The following EMC8 variants were observed in gnomAD, a reference collection of about 807,000 sequenced individuals.
EMC8 encodes ER membrane protein complex subunit 8.
In EMC8, 11 loss-of-function variants were observed where a neutral mutation model predicts 24.3. The ratio of observed to expected loss-of-function variants is 0.45; its 90% CI spans 0.28 to 0.75. The LOEUF is 0.75. EMC8 is among the 30% of genes least tolerant of loss of function. The pLI, the probability that EMC8 is intolerant of heterozygous loss-of-function variation, is 0.12. For missense variants in EMC8, 277 were observed against 282.7 expected (o/e 0.98, Z 0.14); for synonymous variants, 145 against 117.7 (o/e 1.23, Z -1.50).
Position 85,799,185 on chromosome 16 carries a change from C to G in EMC8, c.111G>C (p.Pro37=). The G allele has an allele frequency of 6.2e-7, 1 of 1,612,826 alleles. No individual in the cohort carries two copies. The highest frequency in any genetic ancestry group is 8.5e-7 in the Non-Finnish European group (1 of 1,179,614). The change falls in exon 1 of 5, where the codon CCG becomes CCC. Residue 37 remains proline (P), a synonymous_variant. Transcript: ENST00000253457. The surrounding 1 kb of genome is among the most constrained non-coding windows in gnomAD (Gnocchi z 4.2). ...NGLLVAEKQK[P]RKEHLPLGGP... ...CGCCCAGGGGGAGGTGCTCCTTACGCGGCTTCTGCTTCTCGGCCACCAGGA... is the reference window on the plus strand; with the variant it reads ...CGCCCAGGGGGAGGTGCTCCTTACGGGGCTTCTGCTTCTCGGCCACCAGGA...
intron 1 of EMC8, among the ~76,000 whole-genome samples, chr16:85,793,936 G>C (rs1015087895): frequency 6.6e-6 from 1 of 152,038 alleles, no homozygotes; most frequent in African/African-American, 2.4e-5. Context: ...CATGCAAAAA[G>C]CATGCACAAA....
chr16:85,780,675 T>A (rs1904449068), intron 3 of EMC8: 3 of 583,726 alleles, frequency 5.1e-6, no homozygotes, highest in African/African-American at 3.7e-5. Context: ...AAGTCCTTCA[T>A]TGTTTTTTCA....
At chr16:85,789,786 C>G (rs1259032217) in intron 1 of EMC8, among the ~76,000 whole-genome samples, 1 of 151,076 alleles carries the variant, frequency 6.6e-6, no homozygotes, top group Non-Finnish European at 1.5e-5. Context: ...GAGTGAAACT[C>G]CGTCTCCGTC....
rs1179370028 is a variant in EMC8 at position 85,790,412 on chromosome 16, CA to C, written c.232-1363del. On this transcript the variant is annotated intron_variant, in intron 1 of 4. Coordinates refer to ENST00000253457, the MANE Select transcript of EMC8 (RefSeq NM_006067.5). The stretch of plus-strand genomic sequence containing the variant: ...CAACTAGACATTCTGGTCATCCACC[CA>C]AAAGATCAGGATTATGTCTGTAAAA... Among the ~76,000 whole-genome samples the C allele has an allele frequency of 4.0e-5, 6 of 151,076 alleles. No homozygotes were observed. In the East Asian group the frequency reaches 1.0e-3, roughly 25 times the overall value.
At chr16:85,785,228 T>C (rs1225444688) in intron 2 of EMC8, among the ~76,000 whole-genome samples, 2 of 152,212 alleles carry the variant, frequency 1.3e-5, no homozygotes, top group African/African-American at 2.4e-5. Context: ...ATTACAGGTG[T>C]GATCCAACAT....
intron 4 of EMC8, 29 bp from the exon 5 acceptor site, chr16:85,779,896 T>A (rs1441211674): frequency 1.2e-6 from 2 of 1,610,788 alleles, no homozygotes; most frequent in Non-Finnish European, 1.7e-6. Context: ...GAAGTCAGCA[T>A]CTAACAGTGA....
chr16:85,791,186 T>C (rs1313702694), intron 1 of EMC8, among the ~76,000 whole-genome samples: 1 of 152,206 alleles, frequency 6.6e-6, no homozygotes, highest in African/African-American at 2.4e-5. Flanking sequence ...TCCATAGAGA[T>C]TATCATATGA....
At chr16:85,793,812 A>G (rs1905121888) in intron 1 of EMC8, among the ~76,000 whole-genome samples, 1 of 152,226 alleles carries the variant, frequency 6.6e-6, no homozygotes, top group South Asian at 2.1e-4. Context: ...GCTAATTTCC[A>G]TACTAACATT....
intron 2 of EMC8, among the ~76,000 whole-genome samples, chr16:85,786,418 G>A (rs1460887594): frequency 6.6e-6 from 1 of 152,206 alleles, no homozygotes; most frequent in Non-Finnish European, 1.5e-5. Flanking sequence ...CCCAAGCTGT[G>A]TGGCCTCTGA....
chr16:85,787,383 G>A (rs1904802765), intron 2 of EMC8, among the ~76,000 whole-genome samples: 1 of 152,220 alleles, frequency 6.6e-6, no homozygotes, highest in African/African-American at 2.4e-5. Flanking sequence ...GCCCCCTGCA[G>A]GGGCCGCTGT....
chr16:85,779,960 G>C, intron 4 of EMC8, 93 bp from the exon 5 acceptor site: 1 of 1,017,316 alleles, frequency 9.8e-7, no homozygotes, highest in Non-Finnish European at 1.5e-6. Context: ...ATGCACAGTG[G>C]TATGAACAGA....
chr16:85,780,677 G>GC (rs1904449409), intron 3 of EMC8: 1 of 581,754 alleles, frequency 1.7e-6, no homozygotes, highest in South Asian at 2.1e-5. Context: ...GTCCTTCATT[G>GC]TTTTTTCACA....
At chr16:85,780,153 T>G (rs562702768) in intron 4 of EMC8, 1 of 600,484 alleles carries the variant, frequency 1.7e-6, no homozygotes, top group South Asian at 2.0e-5. Flanking sequence ...CTGGGAAGAG[T>G]GTCTGTGCTC....
At chr16:85,797,190 T>A (rs1049089395) in intron 1 of EMC8, among the ~76,000 whole-genome samples, 1 of 152,156 alleles carries the variant, frequency 6.6e-6, no homozygotes, top group African/African-American at 2.4e-5. Context: ...GCCGTATTAC[T>A]TGAGGTAAGG....
In EMC8 at chr16:85,779,796, G is replaced by T. The variant is rs142989520; in HGVS notation, c.545C>A (p.Thr182Lys). Residue 182 changes from threonine to lysine, a missense_variant, in exon 5 of 5, where the codon ACG (threonine) becomes AAG (lysine). By Grantham distance (78) the Thr-to-Lys change is moderately conservative (BLOSUM62 -1). Transcript: ENST00000253457. Reference protein sequence around the residue: ...ASLLDSRSYETLVDFDNHLDD... With the variant: ...ASLLDSRSYEKLVDFDNHLDD... ...CAGGTGGTTATCGAAATCCACGAGC[G>T]TCTCGTAGGACCGGCTGTCCAGGAG... is the stretch of plus-strand genomic sequence containing the variant. The T allele has an allele frequency of 1.2e-6, 2 of 1,613,922 alleles. No homozygotes were observed. The highest frequency in any genetic ancestry group is 1.7e-6 in the Non-Finnish European group (2 of 1,179,894).
intron 2 of EMC8, among the ~76,000 whole-genome samples, chr16:85,782,581 T>C (rs28398143): frequency 0.012 from 1,812 of 152,286 alleles, 37 homozygotes; most frequent in African/African-American, 0.041. Context: ...CTAGCTGCTG[T>C]CCAGCTTCCC....
At chr16:85,787,308 G>A (rs1025743182) in intron 2 of EMC8, among the ~76,000 whole-genome samples, 70 of 152,132 alleles carry the variant, frequency 4.6e-4, no homozygotes, top group Non-Finnish European at 3.7e-4. Context: ...TGGTTTACAG[G>A]ACACCATGCC....
At position 85,780,617 on chromosome 16, in the gene EMC8, G is replaced by GC. The variant is rs545900485; in HGVS notation, c.379-145dup. The GC allele has an allele frequency of 3.1e-4, 198 of 637,752 alleles. 3 individuals carry two copies. The South Asian group carries it at 3.3e-3, about 11-fold the overall frequency. The allele number at this position is 637,752 out of a possible 1,614,324, so 39.5% of individuals were successfully genotyped here. On this transcript the variant is annotated intron_variant, in intron 3 of 4. Coordinates refer to ENST00000253457, the MANE Select transcript of EMC8 (RefSeq NM_006067.5). ...CGACAGAGCCTGTATGCAGAGTGGC[G>GC]CGAGTGTCTGGCCTGAGGAAAACTG...
intron 3 of EMC8, chr16:85,780,755 C>G (rs1904454419): frequency 2.0e-6 from 1 of 511,698 alleles, no homozygotes; most frequent in African/African-American, 1.9e-5. Flanking sequence ...GGCTGTTCAG[C>G]AAGGCCCTTG....
Sources: allele counts gnomAD v4.1 joint callset (sites outside exome capture counted in the v4.1 genomes callset), GRCh38; gene constraint gnomAD v4.1.1; non-coding constraint Gnocchi (gnomAD v3.1); transcripts MANE v1.5; gene names NCBI Gene and HGNC (gene_info 2026-07-23, HGNC 2026-07-21).